Variants in BTD observed in about 807,000 individuals in gnomAD.
BTD encodes biotinidase, also known as biocytinase.
BTD carries 13 observed loss-of-function variants against 17.7 expected under a neutral mutation model. The observed-to-expected ratio is 0.74, with a 90% CI of 0.48 to 1.17. The LOEUF is 1.17. Among genes scored for constraint, BTD ranks in the 50% most tolerant of loss-of-function variants. The pLI is 0.00. For missense variants in BTD, 674 were observed against 650.4 expected, an observed-to-expected ratio of 1.04 and a Z score of -0.39; for synonymous variants, 240 against 245.2, an observed-to-expected ratio of 0.98 and a Z score of 0.20.
chr3:15,715,669 C>T (rs1317652022), downstream of BTD, among the ~76,000 whole-genome samples: 5 of 152,130 alleles, frequency 3.3e-5, no homozygotes, highest in Non-Finnish European at 7.4e-5. Flanking sequence ...TTACCACAAG[C>T]AAGATTTTTG....
downstream of BTD, among the ~76,000 whole-genome samples, chr3:15,716,281 CT>C (rs373633047): frequency 0.035 from 3,996 of 113,666 alleles, 158 homozygotes; most frequent in African/African-American, 0.1. Flanking sequence ...CGCACCTGGA[CT>C]TTTTTTTTTT....
chr3:15,712,523 C>T (rs749704100), exon 4 of BTD, among the ~76,000 whole-genome samples: 6 of 152,144 alleles, frequency 3.9e-5, no homozygotes, highest in Non-Finnish European at 8.8e-5. Context: ...CTGGGCTCTA[C>T]CCAATGGATG....
Position 15,645,167 on chromosome 3 carries a change from G to A in BTD, c.1251G>A (p.Leu417=), listed in dbSNP as rs771116095. 3 of 1,614,180 alleles carry A rather than the reference G, an allele frequency of 1.9e-6. No homozygotes were observed. The highest frequency in any genetic ancestry group is 2.5e-6 in the Non-Finnish European group (3 of 1,180,034). The change falls in exon 4 of 4, where the codon CTG becomes CTA. Residue 417 remains leucine, a synonymous_variant. Transcript: ENST00000643237. ...AGAGGCCCACCTTATCCAAAGAGCT[G>A]TATGCCCTGGGGGTCTTTGATGGGC... The part of the protein sequence containing the change: ...LYERPTLSKE[L]YALGVFDGLH...
chr3:15,601,543 G>A (rs1445869278), upstream of BTD: 4 of 1,605,252 alleles, frequency 2.5e-6, no homozygotes, highest in South Asian at 1.1e-5. Flanking sequence ...GAAATCGGCA[G>A]CACGCCACCT....
At chr3:15,670,326 C>G (rs764941683) in intron 3 of BTD, 3 of 1,613,926 alleles carry the variant, frequency 1.9e-6, no homozygotes, top group Non-Finnish European at 2.5e-6. Context: ...TATAAGTACT[C>G]CTGTTCCCCT....
intron 3 of BTD, among the ~76,000 whole-genome samples, chr3:15,677,928 C>G (rs2067121876): frequency 6.6e-6 from 1 of 152,086 alleles, no homozygotes; most frequent in Non-Finnish European, 1.5e-5. Flanking sequence ...GGCATAAGGT[C>G]ATTTAGCTGA....
At chr3:15,611,117 C>G (rs183443128) in intron 1 of BTD, among the ~76,000 whole-genome samples, 1 of 152,214 alleles carries the variant, frequency 6.6e-6, no homozygotes, top group Admixed American at 6.5e-5. Flanking sequence ...TGATTTTATT[C>G]AAGGTGATAA....
At chr3:15,606,042 CAAAAA>C (rs11369757) in intron 1 of BTD, among the ~76,000 whole-genome samples, 9 of 64,950 alleles carry the variant, frequency 1.4e-4, no homozygotes, top group African/African-American at 5.6e-4. Flanking sequence ...GACCCTGTCT[CAAAAA>C]AAAAAAAAAA....
At chr3:15,601,446 G>A (rs2064236322), upstream of BTD, 1 of 1,613,446 alleles carries the variant, frequency 6.2e-7, no homozygotes, top group South Asian at 1.1e-5. Flanking sequence ...TGCGCTCTGC[G>A]AAGTTACTGT....
At chr3:15,642,589 G>T (rs984963321) in intron 3 of BTD, among the ~76,000 whole-genome samples, 2 of 151,768 alleles carry the variant, frequency 1.3e-5, no homozygotes, top group Non-Finnish European at 2.9e-5. Flanking sequence ...CGAGTAGCTG[G>T]GACTACAGGC....
At chr3:15,629,479 A>C (rs185055802) in intron 1 of BTD, among the ~76,000 whole-genome samples, 3 of 152,112 alleles carry the variant, frequency 2.0e-5, no homozygotes, top group African/African-American at 7.2e-5. Context: ...GCTACCTTGA[A>C]ATTTCTGCTT....
At chr3:15,604,601 T>A (rs1230454570) in intron 1 of BTD, among the ~76,000 whole-genome samples, 1 of 152,264 alleles carries the variant, frequency 6.6e-6, no homozygotes, top group Non-Finnish European at 1.5e-5. Context: ...CTTGAATTTC[T>A]CCCTAGAAAA....
chr3:15,709,647 A>G, intron 3 of BTD: 1 of 1,525,800 alleles, frequency 6.6e-7, no homozygotes. Context: ...GGCTCCATAA[A>G]GAAACTGTAT....
At chr3:15,662,088 ATATTGTGTTGGC>A (rs1332075301) in intron 3 of BTD, among the ~76,000 whole-genome samples, 1 of 152,174 alleles carries the variant, frequency 6.6e-6, no homozygotes, top group Non-Finnish European at 1.5e-5. Context: ...GTCTCCTTCA[ATATTGTGTTGGC>A]TATTCTTGGC....
intron 1 of BTD, among the ~76,000 whole-genome samples, chr3:15,610,955 G>GAA (rs34976221): frequency 0.01 from 972 of 96,334 alleles, 9 homozygotes; most frequent in African/African-American, 0.033. Flanking sequence ...GTCAGATTTA[G>GAA]AAAAAAAAAA....
downstream of BTD, chr3:15,713,612 C>T: frequency 1.2e-6 from 2 of 1,608,700 alleles, no homozygotes; most frequent in South Asian, 1.1e-5. Context: ...GGGGTATTTC[C>T]ATTCTTATCC....
chr3:15,677,764 T>C (rs1385421471), intron 3 of BTD, among the ~76,000 whole-genome samples: 1 of 152,196 alleles, frequency 6.6e-6, no homozygotes, highest in Non-Finnish European at 1.5e-5. Context: ...AGTCACACAC[T>C]CTAACAATGG....
chr3:15,637,719 G>A (rs2065388901), intron 2 of BTD, among the ~76,000 whole-genome samples: 1 of 152,198 alleles, frequency 6.6e-6, no homozygotes, highest in South Asian at 2.1e-4. Context: ...GCATGGCACT[G>A]AGTCCAGCAC....
rs1271248904 is a variant in BTD at position 15,653,074 on chromosome 3, A to AGC, written c.*7587_*7588dup. The stretch of plus-strand genomic sequence containing the variant: ...TCCACCCCAGACAGAGTTATCCAAC[A>AGC]GCCTGGTATGGTGCAGACCAGGGGC... On this transcript the variant is annotated 3_prime_UTR_variant, in exon 4 of 4. Transcript: ENST00000643237. 6.6e-6 allele frequency among the ~76,000 whole-genome samples: 1 copy of AGC among 152,250 alleles called. No individual in the cohort carries two copies. The highest frequency in any genetic ancestry group is 1.5e-5 in the Non-Finnish European group (1 of 68,046).
Sources: allele counts gnomAD v4.1 joint callset (sites outside exome capture counted in the v4.1 genomes callset), GRCh38; gene constraint gnomAD v4.1.1; transcripts MANE v1.5; gene names NCBI Gene and HGNC (gene_info 2026-07-23, HGNC 2026-07-21).